VSIG10: variants seen among roughly 807,000 people sequenced by gnomAD.
The protein encoded by VSIG10 is V-set and immunoglobulin domain-containing protein 10.
Under a neutral mutation model 58.7 loss-of-function variants are expected in VSIG10, and 48 were observed. The ratio of observed to expected loss-of-function variants is 0.82; its 90% CI spans 0.65 to 1.04. The LOEUF (loss-of-function observed/expected upper bound fraction) is 1.04, where lower values mean the gene tolerates loss of function less well. Ranked by LOEUF, VSIG10 falls within the 50% of genes least tolerant of loss-of-function variation. VSIG10 has a pLI of 0.00. For synonymous variants in VSIG10, 260 were observed against 267.1 expected, an observed-to-expected ratio of 0.97 and a Z score of 0.26; for missense variants, 628 against 670.0, an observed-to-expected ratio of 0.94 and a Z score of 0.69.
chr12:118,103,901 G>C lies in VSIG10; in HGVS notation c.-230C>G, dbSNP rs1465799685. ...CCCGCTCCCGAGCGCCCTGGCCGGG[G>C]AGGGAGGGCGCACCCCGCCCCCTGC... On this transcript the variant is annotated 5_prime_UTR_variant, in exon 1 of 9. Transcript: ENST00000359236. The C allele has an allele frequency of 2.4e-6, 1 of 416,352 alleles. No homozygotes were observed. The highest frequency in any genetic ancestry group is 2.1e-5 in the African/African-American group (1 of 48,312). 25.8% of individuals were successfully genotyped at this position (416,352 alleles called of 1,614,324 possible). A position where few individuals can be genotyped will look rare whatever the true frequency, so the allele number is the denominator to read the frequency against.
In VSIG10 at chr12:118,068,515, C is replaced by A; in HGVS notation, c.1429G>T (p.Ala477Ser). 6.2e-7 allele frequency: 1 copy of A among 1,604,748 alleles called. No individual in the cohort carries two copies. Among genetic ancestry groups the A allele is most frequent in the Non-Finnish European group, 8.5e-7 (1 of 1,177,862 alleles). The change falls in exon 8 of 9, where the codon GCA (alanine) becomes TCA (serine). Residue 477 changes from alanine to serine, a missense_variant. Coordinates refer to ENST00000359236, the MANE Select transcript of VSIG10 (RefSeq NM_019086.6). ...CGTGCTCCCTCCTGTTCCCCTACTG[C>A]AGCATCTTCCTCCTCCTCCTCCTCC... ...EEEEEEEEDA[A>S]VGEQEGARER...
Position 118,064,773 on chromosome 12 carries a change from T to G in VSIG10, c.*1866A>C, listed in dbSNP as rs1394287458. On this transcript the variant is annotated 3_prime_UTR_variant, in exon 9 of 9. Transcript: ENST00000359236. ...GTTCTGAGCAGGGGACAGGGCATAC[T>G]TCTAGTGATTTGCTCAGTTTAATCC... The G allele has an allele frequency of 6.6e-6, 1 of 152,230 alleles. No individual in the cohort carries two copies. Among genetic ancestry groups the G allele is most frequent in the East Asian group, 1.9e-4 (1 of 5,198 alleles). The allele number at this position is 152,230 out of a possible 1,614,324, so 9.4% of individuals were successfully genotyped here.
At chr12:118,077,157 A>G (rs374177202) in intron 4 of VSIG10, among the ~76,000 whole-genome samples, 20 of 152,250 alleles carry the variant, frequency 1.3e-4, no homozygotes, top group African/African-American at 2.4e-4. Flanking sequence ...CTTTATCAGT[A>G]CTTTACACAC....
In VSIG10 at chr12:118,073,908, T is replaced by TA; in HGVS notation, c.1009dup (p.Tyr337LeufsTer22). 4 of 1,613,246 alleles carry TA rather than the reference T, an allele frequency of 2.5e-6. No homozygotes were observed. Among genetic ancestry groups the TA allele is most frequent in the Non-Finnish European group, 3.4e-6 (4 of 1,179,586 alleles). ...CAGCCACAGGATCTTGGCAGGGGGGTAGGCCCCAGACACCTGGCATGTAAG... is the reference window on the plus strand; with the variant it reads ...CAGCCACAGGATCTTGGCAGGGGGGTAAGGCCCCAGACACCTGGCATGTAAG... On this transcript the variant is annotated frameshift_variant, in exon 5 of 9. Transcript: ENST00000359236. LOFTEE classifies it high-confidence loss of function.
intron 2 of VSIG10, among the ~76,000 whole-genome samples, chr12:118,094,386 A>C (rs1458045325): frequency 6.6e-6 from 1 of 150,546 alleles, no homozygotes; most frequent in African/African-American, 2.4e-5. Context: ...TTATTTGTTT[A>C]TTTTTCTTTT....
rs554283535 is a variant in VSIG10, at chr12:118,088,073, G to A, written c.362-5644C>T. Reference sequence around the variant, plus strand: ...AGCCTGGCCAACATGGTGAAACCCCGTCTCTACTAAAGATACAAAAAATTA... The same window carrying A: ...AGCCTGGCCAACATGGTGAAACCCCATCTCTACTAAAGATACAAAAAATTA... On this transcript the variant is annotated intron_variant, in intron 2 of 8. Transcript: ENST00000359236. Among the ~76,000 whole-genome samples the A allele has an allele frequency of 1.8e-4, 27 of 151,794 alleles. No homozygotes were observed. In the South Asian group the frequency reaches 4.8e-3, roughly 27 times the overall value.
At chr12:118,087,500 G>C (rs144088147) in intron 2 of VSIG10, among the ~76,000 whole-genome samples, 1 of 152,186 alleles carries the variant, frequency 6.6e-6, no homozygotes, top group East Asian at 1.9e-4. Context: ...GTTCCCCCTA[G>C]ATTCCAAGGC....
At chr12:118,100,377 A>G (rs2137963317) in intron 1 of VSIG10, among the ~76,000 whole-genome samples, 1 of 152,204 alleles carries the variant, frequency 6.6e-6, no homozygotes, top group Middle Eastern at 3.4e-3. Context: ...CACACCTGTA[A>G]TCCCACCTAC....
intron 2 of VSIG10, among the ~76,000 whole-genome samples, chr12:118,082,779 C>T (rs554506956): frequency 4.6e-5 from 7 of 150,732 alleles, no homozygotes; most frequent in Admixed American, 4.0e-4. Context: ...GAGTTCCAGA[C>T]CAACCTGGGA....
chr12:118,080,481 G>A (rs1357394462), intron 3 of VSIG10, among the ~76,000 whole-genome samples: 1 of 152,058 alleles, frequency 6.6e-6, no homozygotes, highest in Non-Finnish European at 1.5e-5. Flanking sequence ...TTCTACCGTG[G>A]TTTTCGTCCA....
chr12:118,079,280 A>C, intron 4 of VSIG10, 66 bp downstream of exon 4: 1 of 1,572,576 alleles, frequency 6.4e-7, no homozygotes. Flanking sequence ...GAACTCTCAA[A>C]TGCTTCTCCT....
At chr12:118,077,361 C>T (rs368500344) in intron 4 of VSIG10, among the ~76,000 whole-genome samples, 3 of 152,186 alleles carry the variant, frequency 2.0e-5, no homozygotes, top group African/African-American at 7.2e-5. Context: ...AGGAAAAGTG[C>T]CCCTCTTCTT....
intron 2 of VSIG10, among the ~76,000 whole-genome samples, chr12:118,089,787 A>G (rs2137926467): frequency 6.6e-6 from 1 of 152,180 alleles, no homozygotes; most frequent in East Asian, 1.9e-4. Context: ...CTTCTGATCC[A>G]GCAGCGAGTC....
intron 8 of VSIG10, 29 bp downstream of exon 8, chr12:118,068,348 G>A: frequency 6.2e-7 from 1 of 1,604,160 alleles, no homozygotes; most frequent in Non-Finnish European, 8.5e-7. Context: ...TTTGTTTTCT[G>A]TTTGTTTGTT....
chr12:118,091,301 G>A lies in VSIG10; in HGVS notation c.361+4232C>T, dbSNP rs2033288963. Among the ~76,000 whole-genome samples the A allele has an allele frequency of 2.0e-5, 3 of 152,150 alleles. No individual in the cohort carries two copies. In the South Asian group the frequency reaches 6.2e-4, roughly 32 times the overall value. Reference sequence around the variant, plus strand: ...AGGTCAGGAGATCGAGACCATCCTGGCTAACATGGTGAAACCCCATCTCTA... The same window carrying A: ...AGGTCAGGAGATCGAGACCATCCTGACTAACATGGTGAAACCCCATCTCTA... On this transcript the variant is annotated intron_variant, in intron 2 of 8. Coordinates refer to ENST00000359236, the MANE Select transcript of VSIG10 (RefSeq NM_019086.6).
At chr12:118,086,824 AAACTC>A (rs1489344642) in intron 2 of VSIG10, among the ~76,000 whole-genome samples, 1 of 152,186 alleles carries the variant, frequency 6.6e-6, no homozygotes, top group Non-Finnish European at 1.5e-5. Flanking sequence ...GCAGTGGTGA[AAACTC>A]AGCTCACTGC....
At position 118,079,360 on chromosome 12, in the gene VSIG10, C is replaced by A; in HGVS notation, c.911G>T (p.Cys304Phe). ...AACAGACTCACTGATCTGCACCATG[C>A]AGCTGGCGCCCGACTCTGGCCCAAC... ...HIVGPESGASCMVQIRGPSLL... is the reference protein window; with the variant it reads ...HIVGPESGASFMVQIRGPSLL... The change falls in exon 4 of 9, where the codon TGC (cysteine) becomes TTC (phenylalanine). Residue 304 changes from cysteine to phenylalanine, a missense_variant. Transcript: ENST00000359236. 1.2e-6 allele frequency: 2 copies of A among 1,614,002 alleles called. No individual in the cohort carries two copies. Among genetic ancestry groups the A allele is most frequent in the Non-Finnish European group, 1.7e-6 (2 of 1,179,882 alleles).
chr12:118,080,856 G>A (rs2032923951), intron 3 of VSIG10, among the ~76,000 whole-genome samples: 1 of 152,150 alleles, frequency 6.6e-6, no homozygotes, highest in East Asian at 1.9e-4. Flanking sequence ...ATTGGGGGTT[G>A]TCCAGGTCTG....
rs1247826540 is a variant in VSIG10, at chr12:118,073,940, A to G, written c.978T>C (p.Asn326=). ...EPMKTCFTGG[N]VTLTCQVSGA... ...CAGACACCTGGCATGTAAGCGTCAC[A>G]TTGCCCCCAGTGAAGCAAGTCTTCA... The change falls in exon 5 of 9, where the codon AAT becomes AAC. Residue 326 remains asparagine, a synonymous_variant. Transcript: ENST00000359236. The G allele has an allele frequency of 6.2e-7, 1 of 1,607,652 alleles. No homozygotes were observed. The highest frequency in any genetic ancestry group is 2.2e-5 in the East Asian group (1 of 44,774).
Sources: allele counts gnomAD v4.1 joint callset (sites outside exome capture counted in the v4.1 genomes callset), GRCh38; gene constraint gnomAD v4.1.1; transcripts MANE v1.5; gene names NCBI Gene and HGNC (gene_info 2026-07-23, HGNC 2026-07-21).